Variants in GPR158 observed in about 807,000 individuals in gnomAD.
The protein encoded by GPR158 is metabotropic glycine receptor.
GPR158 carries 30 observed loss-of-function variants against 78.2 expected under a neutral mutation model. The observed-to-expected ratio is 0.38, with a 90% CI of 0.29 to 0.52. GPR158 has a LOEUF of 0.52. Ranked by LOEUF, GPR158 falls within the 20% of genes least tolerant of loss-of-function variation. The pLI is 0.83. For synonymous variants in GPR158, 581 were observed against 591.1 expected, an observed-to-expected ratio of 0.98 and a Z score of 0.25; for missense variants, 1,463 against 1,523.5, an observed-to-expected ratio of 0.96 and a Z score of 0.66.
chr10:25,307,016 CAG>C (rs67926384), intron 2 of GPR158, among the ~76,000 whole-genome samples: 32,910 of 145,494 alleles, frequency 0.23, 5,288 homozygotes, highest in African/African-American at 0.48. Context: ...CACACACATA[CAG>C]AGAGAGAGAG....
At chr10:25,189,243 A>G (rs1198691966) in intron 1 of GPR158, among the ~76,000 whole-genome samples, 1 of 152,226 alleles carries the variant, frequency 6.6e-6, no homozygotes, top group Non-Finnish European at 1.5e-5. Context: ...TCAAGGATCT[A>G]GAACTAGAAA....
At chr10:25,301,644 CA>C (rs147202233) in intron 2 of GPR158, among the ~76,000 whole-genome samples, 30,650 of 148,930 alleles carry the variant, frequency 0.21, 5,223 homozygotes, top group African/African-American at 0.48. Context: ...TTCTGATTTT[CA>C]AAAAAAAAGA....
intron 4 of GPR158, among the ~76,000 whole-genome samples, chr10:25,430,211 C>A (rs1001463698): frequency 6.6e-6 from 1 of 152,100 alleles, no homozygotes; most frequent in African/African-American, 2.4e-5. Flanking sequence ...TTCTTATACA[C>A]CAATAACAGA....
At chr10:25,495,613 A>G (rs1001283382) in intron 5 of GPR158, among the ~76,000 whole-genome samples, 1 of 151,756 alleles carries the variant, frequency 6.6e-6, no homozygotes, top group African/African-American at 2.4e-5. Flanking sequence ...TTAATGTTGT[A>G]TGCTACCATG....
chr10:25,188,777 A>G (rs1852726542), intron 1 of GPR158, among the ~76,000 whole-genome samples: 1 of 152,244 alleles, frequency 6.6e-6, no homozygotes, highest in African/African-American at 2.4e-5. Flanking sequence ...GCCAAAATTG[A>G]CAAATGGGAT....
intron 2 of GPR158, among the ~76,000 whole-genome samples, chr10:25,276,167 T>C (rs754093382): frequency 6.6e-6 from 1 of 152,186 alleles, no homozygotes; most frequent in Non-Finnish European, 1.5e-5. Context: ...ATTTTAGGTG[T>C]CAAGACGTGG....
At chr10:25,294,123 A>G (rs970280257) in intron 2 of GPR158, among the ~76,000 whole-genome samples, 5 of 152,248 alleles carry the variant, frequency 3.3e-5, no homozygotes, top group African/African-American at 1.2e-4. Flanking sequence ...CCATTGTTGC[A>G]TCAACTACAT....
chr10:25,348,772 G>A (rs964736668), intron 2 of GPR158, among the ~76,000 whole-genome samples: 6 of 151,948 alleles, frequency 3.9e-5, no homozygotes, highest in Non-Finnish European at 5.9e-5. Context: ...ATAGAATTGG[G>A]AAACTAGTAT....
At chr10:25,276,480 G>C (rs1453194749) in intron 2 of GPR158, among the ~76,000 whole-genome samples, 1 of 152,188 alleles carries the variant, frequency 6.6e-6, no homozygotes, top group East Asian at 1.9e-4. Flanking sequence ...CACTTGAGGA[G>C]TTAATTAAAT....
At chr10:25,306,030 G>A (rs193045073) in intron 2 of GPR158, among the ~76,000 whole-genome samples, 143 of 151,998 alleles carry the variant, frequency 9.4e-4, no homozygotes, top group African/African-American at 3.2e-3. Flanking sequence ...CTCTACTCCC[G>A]TTATTATCAC....
chr10:25,223,516 C>A (rs1853330595), intron 2 of GPR158, among the ~76,000 whole-genome samples: 1 of 152,184 alleles, frequency 6.6e-6, no homozygotes, highest in African/African-American at 2.4e-5. Flanking sequence ...AGTGTAGTTA[C>A]TGGGAATAGT....
At chr10:25,379,801 T>C (rs1834130578) in intron 2 of GPR158, among the ~76,000 whole-genome samples, 2 of 152,006 alleles carry the variant, frequency 1.3e-5, no homozygotes, top group African/African-American at 4.8e-5. Flanking sequence ...AGCTTACATC[T>C]GTCTGCATTC....
intron 3 of GPR158, among the ~76,000 whole-genome samples, chr10:25,406,024 A>G (rs1369819224): frequency 6.6e-6 from 1 of 152,166 alleles, no homozygotes; most frequent in Non-Finnish European, 1.5e-5. Flanking sequence ...CGTGGAAGCT[A>G]TGATACAAGC....
At chr10:25,596,873 T>A (rs1192649334) in intron 10 of GPR158, 84 bp downstream of exon 10, 2 of 1,117,492 alleles carry the variant, frequency 1.8e-6, no homozygotes, top group Non-Finnish European at 2.7e-6. Flanking sequence ...GGTGCGTGTG[T>A]GCATGCATGT....
intron 4 of GPR158, among the ~76,000 whole-genome samples, chr10:25,453,200 C>T (rs868802306): frequency 1.1e-4 from 16 of 152,228 alleles, no homozygotes; most frequent in Non-Finnish European, 1.6e-4. Flanking sequence ...GTGCAGATAC[C>T]GCTTCGACAT....
At chr10:25,584,706 T>A (rs956481176) in intron 7 of GPR158, among the ~76,000 whole-genome samples, 1 of 152,238 alleles carries the variant, frequency 6.6e-6, no homozygotes, top group Non-Finnish European at 1.5e-5. Flanking sequence ...CCAGGCACAG[T>A]ACCACAAACT....
chr10:25,179,130 C>T (rs1265572840), intron 1 of GPR158, among the ~76,000 whole-genome samples: 1 of 152,106 alleles, frequency 6.6e-6, no homozygotes, highest in Non-Finnish European at 1.5e-5. Flanking sequence ...TATCTTCATA[C>T]TCATAAAGGA....
chr10:25,544,544 G>T (rs1339779356), intron 5 of GPR158, among the ~76,000 whole-genome samples: 1 of 151,892 alleles, frequency 6.6e-6, no homozygotes, highest in African/African-American at 2.4e-5. Context: ...ATTGTTATTG[G>T]TACATAAAAA....
intron 1 of GPR158, among the ~76,000 whole-genome samples, chr10:25,219,737 G>T (rs1221374435): frequency 2.6e-5 from 4 of 152,202 alleles, no homozygotes; most frequent in Non-Finnish European, 4.4e-5. Context: ...AGCCCAAGTG[G>T]CATTAAGCCA....
Sources: gnomAD v4.1 joint callset for allele counts (sites outside exome capture counted in the v4.1 genomes callset) on GRCh38, gnomAD v4.1.1 for gene constraint, MANE v1.5 for transcripts, NCBI Gene and HGNC (gene_info 2026-07-23, HGNC 2026-07-21) for gene names.